The following SCEL variants were observed in gnomAD, a reference collection of about 807,000 sequenced individuals.
SCEL encodes the protein sciellin.
Under a neutral mutation model 117.6 loss-of-function variants are expected in SCEL, and 113 were observed. That is an observed-to-expected ratio of 0.96 (90% CI 0.83 to 1.12). The LOEUF (loss-of-function observed/expected upper bound fraction) is 1.12. Ranked by LOEUF, SCEL falls within the 50% of genes most tolerant of loss-of-function variation. The pLI is 0.00. For missense variants in SCEL, 785 were observed against 810.8 expected (o/e 0.97, Z 0.39); for synonymous variants, 270 against 256.2 (o/e 1.05, Z -0.51).
chr13:77,599,884 G>A (rs1395144391), intron 15 of SCEL, 136 bp downstream of exon 15: 3 of 639,696 alleles, frequency 4.7e-6, no homozygotes, highest in Non-Finnish European at 8.4e-6. Flanking sequence ...GGGATAGTGT[G>A]TATCTTGGTG....
chr13:77,535,910 G>T (rs1331383276), intron 1 of SCEL, 86 bp downstream of exon 1: 1 of 152,376 alleles, frequency 6.6e-6, no homozygotes, highest in African/African-American at 2.4e-5. Flanking sequence ...ATTAAAATTA[G>T]AACTTACTGT....
At chr13:77,568,590 A>C (rs1460338508) in intron 7 of SCEL, among the ~76,000 whole-genome samples, 3 of 152,160 alleles carry the variant, frequency 2.0e-5, no homozygotes, top group Non-Finnish European at 4.4e-5. Context: ...CTTCTTCTTT[A>C]TTAAAATCTA....
chr13:77,584,072 G>C (rs1389067020), intron 9 of SCEL, among the ~76,000 whole-genome samples: 1 of 152,216 alleles, frequency 6.6e-6, no homozygotes, highest in African/African-American at 2.4e-5. Flanking sequence ...TCTGGGGATG[G>C]GTGAAGGGGA....
rs1005894059 is a variant in SCEL at position 77,645,195 on chromosome 13, A to G, written c.*921A>G. 1.3e-5 allele frequency: 2 copies of G among 152,130 alleles called. No homozygotes were observed. Among genetic ancestry groups the G allele is most frequent in the Non-Finnish European group, 2.9e-5 (2 of 67,976 alleles). 9.4% of individuals were successfully genotyped at this position (152,130 alleles called of 1,614,324 possible). On this transcript the variant is annotated 3_prime_UTR_variant, in exon 33 of 33. Coordinates refer to ENST00000349847, the MANE Select transcript of SCEL (RefSeq NM_144777.3). ...ATATGTTCTTTAGTATGTTATATAT[A>G]CTCATATTACATAGCAGTATGTTTA...
intron 28 of SCEL, among the ~76,000 whole-genome samples, chr13:77,630,942 A>C (rs937859828): frequency 2.0e-5 from 3 of 152,198 alleles, no homozygotes; most frequent in Non-Finnish European, 4.4e-5. Context: ...TGAGAGGAAT[A>C]ATTTGGCAGA....
chr13:77,579,591 T>C (rs1337510548), intron 9 of SCEL, among the ~76,000 whole-genome samples: 4 of 152,232 alleles, frequency 2.6e-5, no homozygotes, highest in Non-Finnish European at 1.5e-5. Context: ...AAAACTCAGC[T>C]TCTACCAGGG....
chr13:77,579,907 G>A (rs1325519618), intron 9 of SCEL, among the ~76,000 whole-genome samples: 1 of 152,192 alleles, frequency 6.6e-6, no homozygotes, highest in East Asian at 1.9e-4. Flanking sequence ...GCGTGTGTAT[G>A]TGAGTGTATT....
chr13:77,577,411 A>C (rs2086007437), intron 9 of SCEL, among the ~76,000 whole-genome samples: 1 of 152,052 alleles, frequency 6.6e-6, no homozygotes, highest in Admixed American at 6.6e-5. Context: ...AGGATGCCAG[A>C]CACTTATAAA....
intron 19 of SCEL, among the ~76,000 whole-genome samples, chr13:77,607,762 A>G (rs867706755): frequency 2.0e-5 from 3 of 152,236 alleles, no homozygotes; most frequent in Admixed American, 6.5e-5. Context: ...AGCTAAAATT[A>G]TAGCATTTAG....
intron 9 of SCEL, among the ~76,000 whole-genome samples, chr13:77,573,239 T>C (rs539398687): frequency 1.3e-5 from 2 of 152,306 alleles, no homozygotes; most frequent in East Asian, 3.9e-4. Context: ...GCCTACACTC[T>C]GGTCTTTAAA....
At chr13:77,568,488 G>A (rs1247857034) in intron 7 of SCEL, among the ~76,000 whole-genome samples, 155 bp downstream of exon 7, 1 of 147,766 alleles carries the variant, frequency 6.8e-6, no homozygotes, top group Non-Finnish European at 1.5e-5. Context: ...GGTCTGTAAA[G>A]GTTCAAATGT....
chr13:77,622,763 A>G (rs1031660381), intron 27 of SCEL, among the ~76,000 whole-genome samples: 32 of 152,124 alleles, frequency 2.1e-4, no homozygotes, highest in Non-Finnish European at 1.6e-4. Context: ...TTGGGAAGCT[A>G]AGACGGGAAG....
At chr13:77,609,204 G>A in intron 21 of SCEL, 87 bp downstream of exon 21, 7 of 1,045,108 alleles carry the variant, frequency 6.7e-6, no homozygotes, top group Non-Finnish European at 8.3e-6. Context: ...GACTGATGCT[G>A]AACCCAATGA....
chr13:77,609,649 T>G (rs1014374385), intron 21 of SCEL, among the ~76,000 whole-genome samples: 4 of 152,232 alleles, frequency 2.6e-5, no homozygotes, highest in Non-Finnish European at 1.5e-5. Context: ...TACCTAGCTT[T>G]AAATCCCACC....
rs958808275 is a variant in SCEL, at chr13:77,578,269, G to T, written c.545+6080G>T. On this transcript the variant is annotated intron_variant, in intron 9 of 32. Coordinates refer to ENST00000349847, the MANE Select transcript of SCEL (RefSeq NM_144777.3). ...TGGTGCTTTCACAAGTTTTGCTTCTGAGGGAGTCACTCACCACATGAGAAC... is the reference window on the plus strand; with the variant it reads ...TGGTGCTTTCACAAGTTTTGCTTCTTAGGGAGTCACTCACCACATGAGAAC... Among the ~76,000 whole-genome samples the T allele has an allele frequency of 5.3e-5, 8 of 152,026 alleles. No individual in the cohort carries two copies. The East Asian group carries it at 1.5e-3, about 29-fold the overall frequency.
chr13:77,600,628 C>G (rs2087601998), intron 15 of SCEL, among the ~76,000 whole-genome samples: 1 of 151,930 alleles, frequency 6.6e-6, no homozygotes, highest in Non-Finnish European at 1.5e-5. Flanking sequence ...CCTTATAGTT[C>G]TAGCCTGACT....
At chr13:77,621,399 G>C (rs912292) in intron 27 of SCEL, among the ~76,000 whole-genome samples, 1 of 151,872 alleles carries the variant, frequency 6.6e-6, no homozygotes, top group Non-Finnish European at 1.5e-5. Context: ...CCTTCATCGC[G>C]ATTGCTTGGC....
chr13:77,619,959 T>C (rs2154404119), intron 27 of SCEL, among the ~76,000 whole-genome samples: 1 of 152,322 alleles, frequency 6.6e-6, no homozygotes, highest in South Asian at 2.1e-4. Flanking sequence ...TTTTGTTTTA[T>C]TAGAAGAGGC....
At position 77,567,550 on chromosome 13, in the gene SCEL, A is replaced by G; in HGVS notation, c.291-130A>G. The G allele has an allele frequency of 4.6e-6, 3 of 649,702 alleles. No individual in the cohort carries two copies. The South Asian group carries it at 5.8e-5, about 13-fold the overall frequency. 40.2% of individuals were successfully genotyped at this position (649,702 alleles called of 1,614,324 possible). A position where few individuals can be genotyped will look rare whatever the true frequency, so the allele number is the denominator to read the frequency against. ...TTTATTTAAAAATTTTCTAAAATGT[A>G]ACACTTGAAAAATAGTTCTCTTTAC... On this transcript the variant is annotated intron_variant, in intron 5 of 32. Coordinates refer to ENST00000349847, the MANE Select transcript of SCEL (RefSeq NM_144777.3).
Sources: allele counts gnomAD v4.1 joint callset (sites outside exome capture counted in the v4.1 genomes callset), GRCh38; gene constraint gnomAD v4.1.1; transcripts MANE v1.5; gene names NCBI Gene and HGNC (gene_info 2026-07-23, HGNC 2026-07-21).